Variants in LRP2 observed in about 807,000 individuals in gnomAD.
LRP2 encodes low-density lipoprotein receptor-related protein 2.
In LRP2, 172 loss-of-function variants were observed where a neutral mutation model predicts 531.0. That is an observed-to-expected ratio of 0.32 (90% confidence interval 0.29 to 0.37). LRP2 has a LOEUF of 0.37. LRP2 is among the 10% of genes least tolerant of loss of function. The pLI is 1.00. For missense variants in LRP2, 5,167 were observed against 5,868.3 expected (o/e 0.88, Z 3.90); for synonymous variants, 1,992 against 2,027.6 (o/e 0.98, Z 0.47).
intron 1 of LRP2, among the ~76,000 whole-genome samples, chr2:169,321,409 T>A (rs2105517124): frequency 6.7e-6 from 1 of 150,374 alleles, no homozygotes; most frequent in African/African-American, 2.4e-5. Context: ...ACTTATAATT[T>A]AATGTAACAA....
chr2:169,157,426 G>A lies in LRP2; in HGVS notation c.11964C>T (p.Ile3988=). 1 of 1,612,782 alleles carries A rather than the reference G, an allele frequency of 6.2e-7. No individual in the cohort carries two copies. The highest frequency in any genetic ancestry group is 8.5e-7 in the Non-Finnish European group (1 of 1,179,064). The change falls in exon 64 of 79, where the codon ATC becomes ATT. Residue 3988 remains isoleucine (I), a synonymous_variant. Coordinates refer to ENST00000649046, the MANE Select transcript of LRP2 (RefSeq NM_004525.3). ...TTTCGAACCCAGCTGTACAGGAGCA[G>A]ATAAATCCTCCTTCATTTAATTGGG... ...NCTQLNEGGF[I]CSCTAGFETN... is the part of the protein sequence containing the mutation.
At chr2:169,137,774 A>G (rs1179082440) in intron 75 of LRP2, among the ~76,000 whole-genome samples, 2 of 152,182 alleles carry the variant, frequency 1.3e-5, no homozygotes, top group African/African-American at 4.8e-5. Flanking sequence ...CTTATATCCA[A>G]ATTCTCTTAA....
chr2:169,170,923 T>TG (rs1686976793), intron 58 of LRP2, among the ~76,000 whole-genome samples: 1 of 88,368 alleles, frequency 1.1e-5, no homozygotes, highest in African/African-American at 4.4e-5. Flanking sequence ...CTCTCTCTGT[T>TG]TTTTTTTTTT....
At position 169,226,571 on chromosome 2, in the gene LRP2, T is replaced by C. The variant is rs138665736; in HGVS notation, c.5245A>G (p.Ile1749Val). The C allele has an allele frequency of 2.5e-6, 4 of 1,611,522 alleles. No homozygotes were observed. The highest frequency in any genetic ancestry group is 3.4e-6 in the Non-Finnish European group (4 of 1,177,922). The change falls in exon 32 of 79, where the codon ATA becomes GTA. Residue 1749 changes from isoleucine (I) to valine (V), a missense_variant. Ile to Val is a conservative substitution (Grantham distance 29). Transcript: ENST00000649046. ...NCLRDDQPFL[I>V]TVRQHIIFGI... ...AAAATTATATGTTGCCTTACAGTTA[T>C]TAAGAAAGGTTGATCATCTGTGAAA...
At position 169,298,134 on chromosome 2, in the gene LRP2, A is replaced by G. The variant is rs570156161; in HGVS notation, c.428-3424T>C. Among the ~76,000 whole-genome samples the G allele has an allele frequency of 7.2e-5, 11 of 152,180 alleles. No individual in the cohort carries two copies. In the South Asian group the frequency reaches 2.3e-3, roughly 32 times the overall value. ...GTCAATGTAATGATTTGCCAGAAAG[A>G]ATCTACCAGTTTGGCCACCAGCACT... is the stretch of plus-strand genomic sequence containing the variant. On this transcript the variant is annotated intron_variant, in intron 4 of 78. Transcript: ENST00000649046.
chr2:169,236,346 C>T (rs1689604416), intron 28 of LRP2, among the ~76,000 whole-genome samples: 1 of 151,908 alleles, frequency 6.6e-6, no homozygotes, highest in South Asian at 2.1e-4. Flanking sequence ...GTCTCAATGC[C>T]AATTCATGTT....
chr2:169,211,845 T>C, intron 37 of LRP2, 123 bp downstream of exon 37: 1 of 1,354,704 alleles, frequency 7.4e-7, no homozygotes, highest in Non-Finnish European at 1.0e-6. Context: ...CCAGTTGATT[T>C]AAAGGGAAAG....
At position 169,193,817 on chromosome 2, in the gene LRP2, C is replaced by T; in HGVS notation, c.8774G>A (p.Cys2925Tyr). 1 of 1,614,172 alleles carries T rather than the reference C, an allele frequency of 6.2e-7. No individual in the cohort carries two copies. The highest frequency in any genetic ancestry group is 8.5e-7 in the Non-Finnish European group (1 of 1,180,026). The change falls in exon 47 of 79, where the codon TGT (cysteine) becomes TAT (tyrosine). Residue 2925 changes from cysteine to tyrosine, a missense_variant. Physicochemically the swap from Cys to Tyr is radical, Grantham distance 194. Around this residue, in one of 6 missense-constraint regions of LRP2, gnomAD observed 1,129 missense variants for 1,362.7 expected, o/e 0.83. Coordinates refer to ENST00000649046, the MANE Select transcript of LRP2 (RefSeq NM_004525.3). ...ATCCCCACAGTCATTATCACCGTCA[C>T]AGATCCATTCGCTTGGGATGCACCT... ...GGRCIPSEWI[C>Y]DGDNDCGDMS... is the part of the protein sequence containing the mutation.
rs1206897602 is a variant in LRP2, at chr2:169,127,786, C to A, written c.*877G>T. On this transcript the variant is annotated 3_prime_UTR_variant, in exon 79 of 79. Coordinates refer to ENST00000649046, the MANE Select transcript of LRP2 (RefSeq NM_004525.3). ...TTTTGCACCTTATTTTATGAAGACA[C>A]AGATTTGGTTTCAGAAATTCAGCTA... The A allele has an allele frequency of 6.6e-6, 1 of 150,394 alleles. No homozygotes were observed. Among genetic ancestry groups the A allele is most frequent in the African/African-American group, 2.5e-5 (1 of 40,630 alleles). The allele number at this position is 150,394 out of a possible 1,614,324, so 9.3% of individuals were successfully genotyped here.
At chr2:169,288,187 G>A (rs1683907479) in intron 9 of LRP2, among the ~76,000 whole-genome samples, 1 of 151,952 alleles carries the variant, frequency 6.6e-6, no homozygotes, top group Admixed American at 6.6e-5. Context: ...AAATCAGATA[G>A]AAGGAAAAAA....
At chr2:169,237,865 A>T (rs1408318497) in intron 27 of LRP2, among the ~76,000 whole-genome samples, 1 of 152,150 alleles carries the variant, frequency 6.6e-6, no homozygotes, top group Non-Finnish European at 1.5e-5. Flanking sequence ...GCATCACCTG[A>T]CCTGGAATTC....
At chr2:169,247,246 G>A in intron 20 of LRP2, 132 bp downstream of exon 20, 1 of 1,022,070 alleles carries the variant, frequency 9.8e-7, no homozygotes. Context: ...CTTAGATTAT[G>A]TGAACGACAA....
intron 16 of LRP2, among the ~76,000 whole-genome samples, chr2:169,263,915 C>T (rs1326305320): frequency 6.6e-6 from 1 of 152,046 alleles, no homozygotes; most frequent in Non-Finnish European, 1.5e-5. Flanking sequence ...ACTATGCAGC[C>T]ATAAAAAATG....
chr2:169,138,714 G>T lies in LRP2; in HGVS notation c.13389-8C>A. On this transcript the variant is annotated splice_polypyrimidine_tract_variant and splice_region_variant and intron_variant, in intron 74 of 78. Transcript: ENST00000649046. The stretch of plus-strand genomic sequence containing the variant: ...TTGACGAGACTGCTTAAGCTGGAAA[G>T]AAGTAACCAAAACAGTGTCTTGTTA... 6 of 1,613,826 alleles carry T rather than the reference G, an allele frequency of 3.7e-6. No homozygotes were observed. Among genetic ancestry groups the T allele is most frequent in the Non-Finnish European group, 5.1e-6 (6 of 1,179,790 alleles).
Position 169,170,624 on chromosome 2 carries a change from C to A in LRP2, c.11307G>T (p.Gln3769His), listed in dbSNP as rs769595187. ...AGATCCATCGCGAGGGAATGCACTGCTGATTGACACATCGAAACTCGCTCT... is the reference window on the plus strand; with the variant it reads ...AGATCCATCGCGAGGGAATGCACTGATGATTGACACATCGAAACTCGCTCT... Reference protein sequence around the residue: ...CTESEFRCVNQQCIPSRWICD... With the variant: ...CTESEFRCVNHQCIPSRWICD... The change falls in exon 59 of 79, where the codon CAG becomes CAT. Residue 3769 changes from glutamine to histidine, a missense_variant. By Grantham distance (24) the Gln-to-His change is conservative. Transcript: ENST00000649046. The A allele has an allele frequency of 9.3e-6, 15 of 1,614,152 alleles. No homozygotes were observed. In the South Asian group the frequency reaches 1.6e-4, roughly 18 times the overall value.
At chr2:169,161,991 C>T (rs115504097) in intron 63 of LRP2, among the ~76,000 whole-genome samples, 4,566 of 152,212 alleles carry the variant, frequency 0.03, 85 homozygotes, top group Non-Finnish European at 0.045. Flanking sequence ...CTTGCTGCAC[C>T]CATTAACTCA....
intron 39 of LRP2, 31 bp from the exon 40 acceptor site, chr2:169,206,219 GCACA>G: frequency 6.2e-7 from 1 of 1,613,652 alleles, no homozygotes; most frequent in Non-Finnish European, 8.5e-7. Context: ...ACACACACAA[GCACA>G]CACAAAGACA....
intron 63 of LRP2, among the ~76,000 whole-genome samples, chr2:169,158,539 A>G (rs1214064371): frequency 6.6e-6 from 1 of 151,984 alleles, no homozygotes; most frequent in East Asian, 1.9e-4. Flanking sequence ...GTTAAAATAT[A>G]AAAAAATACA....
chr2:169,247,285 TTAAGTAA>T, intron 20 of LRP2, 86 bp downstream of exon 20: 1 of 1,353,158 alleles, frequency 7.4e-7, no homozygotes, highest in Non-Finnish European at 1.0e-6. Flanking sequence ...AGCTAGACCT[TTAAGTAA>T]TAAGTACTTA....
Sources: gnomAD v4.1 joint callset for allele counts (sites outside exome capture counted in the v4.1 genomes callset) on GRCh38, gnomAD v4.1.1 for gene constraint, gnomAD v4.1.1 regional missense constraint, MANE v1.5 for transcripts, NCBI Gene and HGNC (gene_info 2026-07-23, HGNC 2026-07-21) for gene names.